Variants in PDE4D observed in about 807,000 individuals in gnomAD.
PDE4D encodes 3',5'-cyclic-AMP phosphodiesterase 4D.
Under a neutral mutation model 87.4 loss-of-function variants are expected in PDE4D, and 24 were observed. The ratio of observed to expected loss-of-function variants is 0.27; its 90% confidence interval spans 0.20 to 0.39. PDE4D has a LOEUF of 0.39. PDE4D is among the 10% of genes least tolerant of loss of function. PDE4D has a pLI of 1.00. For synonymous variants in PDE4D, 384 were observed against 383.2 expected (o/e 1.00, Z -0.02); for missense variants, 714 against 1,041.0 (o/e 0.69, Z 4.32).
intron 1 of PDE4D, among the ~76,000 whole-genome samples, chr5:59,248,041 GTAAAA>G (rs1288228294): frequency 0.021 from 1,015 of 47,810 alleles, 22 homozygotes; most frequent in African/African-American, 0.068. Context: ...GTATCTATTA[GTAAAA>G]AAAAAAAAAA....
intron 6 of PDE4D, among the ~76,000 whole-genome samples, chr5:59,037,728 T>C (rs1160868072): frequency 6.6e-6 from 1 of 152,160 alleles, no homozygotes; most frequent in Non-Finnish European, 1.5e-5. Context: ...TTGACAATGC[T>C]ACCTACAAAA....
At chr5:59,190,192 G>C (rs1744003253) in intron 3 of PDE4D, among the ~76,000 whole-genome samples, 2 of 152,148 alleles carry the variant, frequency 1.3e-5, no homozygotes, top group Non-Finnish European at 2.9e-5. Flanking sequence ...GGGGATCTTT[G>C]AACACCTTAG....
At chr5:59,771,534 G>GAAAGAAAGA (rs1763568089) in intron 1 of PDE4D, among the ~76,000 whole-genome samples, 1 of 147,522 alleles carries the variant, frequency 6.8e-6, no homozygotes, top group African/African-American at 2.6e-5. Context: ...AAGAAAGAAA[G>GAAAGAAAGA]AAAGAAAGAA....
chr5:59,809,337 G>A (rs1006114196), intron 1 of PDE4D, among the ~76,000 whole-genome samples: 1 of 152,142 alleles, frequency 6.6e-6, no homozygotes, highest in African/African-American at 2.4e-5. Context: ...GAGATATAAA[G>A]GGCTTTGGGC....
chr5:59,583,606 C>T (rs149132421), intron 1 of PDE4D, among the ~76,000 whole-genome samples: 11 of 152,308 alleles, frequency 7.2e-5, no homozygotes, highest in East Asian at 3.9e-4. Flanking sequence ...TCTTTTAGCA[C>T]GGAAGGGGTA....
chr5:59,691,277 T>G (rs527976269), intron 1 of PDE4D, among the ~76,000 whole-genome samples: 1 of 152,288 alleles, frequency 6.6e-6, no homozygotes, highest in Admixed American at 6.5e-5. Flanking sequence ...ACATGTATGT[T>G]TATTGCAGCA....
At chr5:60,226,744 T>C (rs993645506) in intron 1 of PDE4D, among the ~76,000 whole-genome samples, 1 of 151,838 alleles carries the variant, frequency 6.6e-6, no homozygotes, top group Non-Finnish European at 1.5e-5. Context: ...TTCTCATTTT[T>C]CCCCAAACTC....
At position 60,245,806 on chromosome 5, in the gene PDE4D, G is replaced by A. The variant is rs192372296; in HGVS notation, c.-89-60119C>T. Among the ~76,000 whole-genome samples, 227 of 135,292 alleles carry A rather than the reference G, an allele frequency of 1.7e-3. 2 individuals carry two copies. The highest frequency in any genetic ancestry group is 6.3e-3 in the African/African-American group (217 of 34,222). 88.8% of individuals were successfully genotyped at this position (135,292 alleles called of 152,430 possible). On this transcript the variant is annotated intron_variant, in intron 1 of 16. Coordinates refer to the PDE4D transcript ENST00000502484. ...AGGGTAGTGGAGGAGGGAGGGAAGT[G>A]GGGATGGTTAATGAGTACAAAAAAA...
chr5:59,984,417 A>G (rs990313267), intron 3 of PDE4D, among the ~76,000 whole-genome samples: 1 of 152,226 alleles, frequency 6.6e-6, no homozygotes, highest in Non-Finnish European at 1.5e-5. Flanking sequence ...TAACTGGCAG[A>G]TGAATTCAGG....
chr5:59,954,989 A>T (rs1758680236), intron 3 of PDE4D, among the ~76,000 whole-genome samples: 1 of 152,218 alleles, frequency 6.6e-6, no homozygotes, highest in Admixed American at 6.5e-5. Flanking sequence ...AAGGTTCATA[A>T]TTGCTAAAGT....
At chr5:60,287,317 C>G (rs1005353096) in intron 1 of PDE4D, among the ~76,000 whole-genome samples, 3 of 152,162 alleles carry the variant, frequency 2.0e-5, no homozygotes, top group African/African-American at 7.2e-5. Flanking sequence ...GCTCCCCTAG[C>G]TGTCAGATGG....
intron 1 of PDE4D, among the ~76,000 whole-genome samples, chr5:59,623,828 T>G (rs543475940): frequency 6.6e-6 from 1 of 152,216 alleles, no homozygotes; most frequent in Non-Finnish European, 1.5e-5. Flanking sequence ...AAGCTTTATG[T>G]TACTTTTAAA....
chr5:60,424,879 T>C (rs1200936493), intron 1 of PDE4D, among the ~76,000 whole-genome samples: 1 of 152,194 alleles, frequency 6.6e-6, no homozygotes, highest in Non-Finnish European at 1.5e-5. Flanking sequence ...AGCATTCTGA[T>C]ATACAAATAA....
At chr5:59,537,699 T>C (rs1420771008) in intron 1 of PDE4D, among the ~76,000 whole-genome samples, 1 of 152,206 alleles carries the variant, frequency 6.6e-6, no homozygotes, top group African/African-American at 2.4e-5. Context: ...TATGTAATCA[T>C]CAAACAGGTG....
intron 3 of PDE4D, among the ~76,000 whole-genome samples, chr5:59,912,672 A>C (rs545782117): frequency 6.6e-6 from 1 of 152,308 alleles, no homozygotes; most frequent in East Asian, 1.9e-4. Flanking sequence ...CAAATATGAA[A>C]AGTAACAAGG....
At chr5:60,275,937 T>A (rs1483322539) in intron 1 of PDE4D, among the ~76,000 whole-genome samples, 1 of 152,194 alleles carries the variant, frequency 6.6e-6, no homozygotes, top group African/African-American at 2.4e-5. Context: ...TTTACAGATT[T>A]TTCTATTATC....
At chr5:59,179,025 T>C (rs1740841501) in intron 5 of PDE4D, among the ~76,000 whole-genome samples, 1 of 152,168 alleles carries the variant, frequency 6.6e-6, no homozygotes, top group Non-Finnish European at 1.5e-5. Flanking sequence ...TAGACTCATT[T>C]ATGTTGAATT....
chr5:59,872,262 TACAC>T (rs71606610), intron 1 of PDE4D, among the ~76,000 whole-genome samples: 3,870 of 131,760 alleles, frequency 0.029, 105 homozygotes, highest in African/African-American at 0.079. Flanking sequence ...ACAGAAGAGT[TACAC>T]ACACACACAC....
intron 1 of PDE4D, among the ~76,000 whole-genome samples, chr5:59,838,759 A>G (rs966231942): frequency 1.3e-5 from 2 of 152,062 alleles, no homozygotes; most frequent in Non-Finnish European, 1.5e-5. Context: ...GGCAATTTTC[A>G]TGGATGAAAG....
Sources: allele counts gnomAD v4.1 joint callset (sites outside exome capture counted in the v4.1 genomes callset), GRCh38; gene constraint gnomAD v4.1.1; transcripts MANE v1.5; gene names NCBI Gene and HGNC (gene_info 2026-07-23, HGNC 2026-07-21).